AGBL1: variants seen among roughly 807,000 people sequenced by gnomAD.
AGBL1 encodes the protein cytosolic carboxypeptidase 4.
Under a neutral mutation model 118.9 loss-of-function variants are expected in AGBL1, and 130 were observed. That is an observed-to-expected ratio of 1.09 (90% CI 0.95 to 1.26). The LOEUF is 1.26. Ranked by LOEUF, AGBL1 falls within the 50% of genes most tolerant of loss-of-function variation. AGBL1 has a pLI of 0.00. For missense variants in AGBL1, 1,584 were observed against 1,298.1 expected (o/e 1.22, Z -3.38); for synonymous variants, 555 against 478.9 (o/e 1.16, Z -2.08).
chr15:86,623,785 T>C (rs552761376), intron 21 of AGBL1, among the ~76,000 whole-genome samples: 3 of 152,218 alleles, frequency 2.0e-5, no homozygotes, highest in Non-Finnish European at 4.4e-5. Flanking sequence ...ATTTTCTAAA[T>C]AATTTTACAA....
At chr15:86,734,734 G>C (rs143497896) in intron 22 of AGBL1, among the ~76,000 whole-genome samples, 1 of 152,080 alleles carries the variant, frequency 6.6e-6, no homozygotes, top group Non-Finnish European at 1.5e-5. Context: ...CCATGATGAG[G>C]CCAGATGACT....
chr15:86,106,863 C>T (rs946685192), intron 1 of AGBL1, among the ~76,000 whole-genome samples: 1 of 152,196 alleles, frequency 6.6e-6, no homozygotes, highest in Non-Finnish European at 1.5e-5. Flanking sequence ...TCAGGACAAA[C>T]ATTTTCTCTC....
chr15:86,261,779 A>G (rs2142025739), intron 9 of AGBL1, among the ~76,000 whole-genome samples: 1 of 152,212 alleles, frequency 6.6e-6, no homozygotes, highest in African/African-American at 2.4e-5. Flanking sequence ...AAGGTTTCGA[A>G]ATGGTGATCT....
intron 18 of AGBL1, among the ~76,000 whole-genome samples, chr15:86,477,154 A>C (rs1238165889): frequency 1.3e-5 from 2 of 152,116 alleles, no homozygotes; most frequent in Admixed American, 6.5e-5. Flanking sequence ...TGACACCCTA[A>C]CATCACAATT....
Position 86,115,003 on chromosome 15 carries a change from A to G in AGBL1, c.52-27001A>G, listed in dbSNP as rs183142690. On this transcript the variant is annotated intron_variant, in intron 1 of 22. Transcript: ENST00000614907. ...AAGGGCTGAAAAAATTGTGGCTGCTAGTGGTGCTAACTGTTCACCACTGGG... is the reference window on the plus strand; with the variant it reads ...AAGGGCTGAAAAAATTGTGGCTGCTGGTGGTGCTAACTGTTCACCACTGGG... Among the ~76,000 whole-genome samples, 4 of 152,304 alleles carry G rather than the reference A, an allele frequency of 2.6e-5. No individual in the cohort carries two copies. The South Asian group carries it at 6.2e-4, about 24-fold the overall frequency.
At chr15:86,856,133 C>T (rs915232297) in intron 22 of AGBL1, among the ~76,000 whole-genome samples, 3 of 152,160 alleles carry the variant, frequency 2.0e-5, no homozygotes, top group Non-Finnish European at 4.4e-5. Context: ...GCAGGCAGGC[C>T]GACTGTCTTT....
chr15:86,686,230 G>A (rs1456331769), intron 22 of AGBL1, among the ~76,000 whole-genome samples: 2 of 152,058 alleles, frequency 1.3e-5, no homozygotes, highest in African/African-American at 4.8e-5. Context: ...AAGAAGGCCT[G>A]GAGAGTTTGA....
At chr15:86,501,839 A>G (rs1250192258) in intron 18 of AGBL1, among the ~76,000 whole-genome samples, 1 of 151,602 alleles carries the variant, frequency 6.6e-6, no homozygotes, top group Non-Finnish European at 1.5e-5. Context: ...TACTGCTCTG[A>G]TAATTGTAAC....
chr15:86,151,733 A>G (rs187160993), intron 3 of AGBL1, among the ~76,000 whole-genome samples: 371 of 152,328 alleles, frequency 2.4e-3, no homozygotes, highest in Non-Finnish European at 3.1e-3. Context: ...AGGAAGTCAA[A>G]TTGTCCCTGT....
intron 18 of AGBL1, among the ~76,000 whole-genome samples, chr15:86,492,500 G>T (rs555283133): frequency 1.3e-4 from 19 of 151,304 alleles, no homozygotes; most frequent in African/African-American, 4.6e-4. Context: ...TGAGGCAGGA[G>T]AATTGCTTGA....
chr15:86,254,747 T>G (rs1193378401), intron 7 of AGBL1, among the ~76,000 whole-genome samples: 2 of 152,202 alleles, frequency 1.3e-5, no homozygotes, highest in African/African-American at 4.8e-5. Flanking sequence ...TGAGAGCAAG[T>G]GCTTCCTGGG....
chr15:86,433,805 T>C (rs2081969062), intron 18 of AGBL1, among the ~76,000 whole-genome samples: 1 of 152,228 alleles, frequency 6.6e-6, no homozygotes, highest in African/African-American at 2.4e-5. Flanking sequence ...AGCGAGTGAA[T>C]GAGTAAGCAG....
At chr15:86,229,809 C>G (rs1239400015) in intron 6 of AGBL1, among the ~76,000 whole-genome samples, 1 of 152,188 alleles carries the variant, frequency 6.6e-6, no homozygotes, top group African/African-American at 2.4e-5. Flanking sequence ...AATGAATCTT[C>G]AAATAATGTC....
intron 21 of AGBL1, among the ~76,000 whole-genome samples, chr15:86,672,688 A>C (rs1025466667): frequency 5.9e-5 from 9 of 152,204 alleles, no homozygotes; most frequent in African/African-American, 2.2e-4. Flanking sequence ...GGAGCTTTAG[A>C]AAAGAGACTC....
chr15:86,808,048 G>A (rs534023806), intron 22 of AGBL1, among the ~76,000 whole-genome samples: 3 of 152,020 alleles, frequency 2.0e-5, no homozygotes, highest in East Asian at 3.9e-4. Context: ...AGTTAGAGGA[G>A]GATTAAATTA....
chr15:87,000,823 T>C (rs369571480), intron 24 of AGBL1, among the ~76,000 whole-genome samples: 2 of 147,150 alleles, frequency 1.4e-5, no homozygotes, highest in African/African-American at 2.5e-5. Context: ...TTGGGCAGTA[T>C]GGCCACTTTC....
At chr15:86,828,463 T>C (rs2079061914) in intron 22 of AGBL1, among the ~76,000 whole-genome samples, 1 of 151,970 alleles carries the variant, frequency 6.6e-6, no homozygotes, top group Non-Finnish European at 1.5e-5. Context: ...TCCTTATAAA[T>C]AGGATTAGAA....
intron 21 of AGBL1, among the ~76,000 whole-genome samples, chr15:86,664,377 T>A (rs1275716086): frequency 2.0e-5 from 3 of 152,230 alleles, no homozygotes; most frequent in Non-Finnish European, 4.4e-5. Flanking sequence ...CAGATCTGCA[T>A]GGTCTGATTG....
At chr15:86,585,302 G>A (rs540522469) in intron 21 of AGBL1, among the ~76,000 whole-genome samples, 1 of 152,210 alleles carries the variant, frequency 6.6e-6, no homozygotes, top group African/African-American at 2.4e-5. Context: ...TAGAATGCTG[G>A]CCAAAGATAA....
Sources: gnomAD v4.1 joint callset for allele counts (sites outside exome capture counted in the v4.1 genomes callset) on GRCh38, gnomAD v4.1.1 for gene constraint, MANE v1.5 for transcripts, NCBI Gene and HGNC (gene_info 2026-07-23, HGNC 2026-07-21) for gene names.